The following PTPRD variants were observed in gnomAD, a reference collection of about 807,000 sequenced individuals.
PTPRD encodes the protein protein tyrosine phosphatase receptor type D.
In PTPRD, 34 loss-of-function variants were observed where a neutral mutation model predicts 214.5. The ratio of observed to expected loss-of-function variants is 0.16; its 90% CI spans 0.12 to 0.21. The LOEUF (loss-of-function observed/expected upper bound fraction) is 0.21. PTPRD is among the 10% of genes least tolerant of loss of function. The pLI is 1.00. For missense variants in PTPRD, 2,545 were observed against 2,398.7 expected (o/e 1.06, Z -1.27); for synonymous variants, 1,128 against 845.7 (o/e 1.33, Z -5.79).
chr9:9,251,996 T>C (rs2099975657), intron 9 of PTPRD, among the ~76,000 whole-genome samples: 1 of 152,062 alleles, frequency 6.6e-6, no homozygotes, highest in Non-Finnish European at 1.5e-5. Context: ...CTATATACAA[T>C]GCTTGCTATC....
At chr9:8,707,556 C>G (rs1027406167) in intron 12 of PTPRD, among the ~76,000 whole-genome samples, 1 of 152,182 alleles carries the variant, frequency 6.6e-6, no homozygotes, top group African/African-American at 2.4e-5. Context: ...CATATATTTC[C>G]TAAGAAAGAA....
chr9:9,954,297 C>CAAAAAAAAAAAAA (rs781628679), intron 4 of PTPRD, among the ~76,000 whole-genome samples: 5 of 53,770 alleles, frequency 9.3e-5, no homozygotes, highest in Non-Finnish European at 1.3e-4. Flanking sequence ...TGTCTCAAAA[C>CAAAAAAAAAAAAA]AAAAAAAAAA....
At chr9:9,560,953 T>C (rs2082771166) in intron 8 of PTPRD, among the ~76,000 whole-genome samples, 1 of 152,080 alleles carries the variant, frequency 6.6e-6, no homozygotes, top group Non-Finnish European at 1.5e-5. Context: ...GGCTCCCTCC[T>C]GTCTATCTGC....
intron 10 of PTPRD, among the ~76,000 whole-genome samples, chr9:9,104,770 C>T (rs887014804): frequency 6.6e-6 from 1 of 152,138 alleles, no homozygotes; most frequent in Non-Finnish European, 1.5e-5. Flanking sequence ...TTTCTTTGTT[C>T]ATTCTATCGC....
At chr9:8,848,386 A>G (rs1348829275) in intron 11 of PTPRD, among the ~76,000 whole-genome samples, 1 of 148,014 alleles carries the variant, frequency 6.8e-6, no homozygotes, top group Non-Finnish European at 1.5e-5. Context: ...TACAGACTAG[A>G]ATGCAGTGGC....
chr9:8,578,010 T>C (rs1034285113), intron 14 of PTPRD, among the ~76,000 whole-genome samples: 1 of 152,182 alleles, frequency 6.6e-6, no homozygotes, highest in Non-Finnish European at 1.5e-5. Flanking sequence ...GAATATGCAA[T>C]ACACATTTGT....
chr9:8,891,136 A>ATTTTTTTT (rs1207629722), intron 11 of PTPRD, among the ~76,000 whole-genome samples: 1 of 89,478 alleles, frequency 1.1e-5, no homozygotes, highest in African/African-American at 4.3e-5. Flanking sequence ...GAATTAATCT[A>ATTTTTTTT]ATTTTTTTTT....
At chr9:8,337,794 A>C (rs1007028757) in intron 43 of PTPRD, among the ~76,000 whole-genome samples, 27 of 151,986 alleles carry the variant, frequency 1.8e-4, no homozygotes, top group African/African-American at 4.6e-4. Flanking sequence ...CTTTATCACC[A>C]GGAATAGTTG....
At chr9:9,053,564 C>G (rs912442066) in intron 10 of PTPRD, among the ~76,000 whole-genome samples, 1 of 152,064 alleles carries the variant, frequency 6.6e-6, no homozygotes, top group African/African-American at 2.4e-5. Context: ...TACCATAGAG[C>G]CTTCAGAGAG....
intron 10 of PTPRD, among the ~76,000 whole-genome samples, chr9:9,140,753 T>A (rs914429171): frequency 6.6e-6 from 1 of 152,132 alleles, no homozygotes; most frequent in African/African-American, 2.4e-5. Context: ...TAATTTTTTG[T>A]GTTTTTAGTA....
intron 11 of PTPRD, among the ~76,000 whole-genome samples, chr9:8,991,601 C>T (rs2099367125): frequency 6.6e-6 from 1 of 152,022 alleles, no homozygotes; most frequent in East Asian, 1.9e-4. Flanking sequence ...TAAATAGAGG[C>T]TTAGATTTGC....
intron 11 of PTPRD, among the ~76,000 whole-genome samples, chr9:8,751,509 A>G (rs186363399): frequency 6.6e-6 from 1 of 152,334 alleles, no homozygotes; most frequent in Non-Finnish European, 1.5e-5. Context: ...TAGCAGTGAT[A>G]CTAATACCCA....
At position 9,819,677 on chromosome 9, in the gene PTPRD, C is replaced by T. The variant is rs1354024203; in HGVS notation, c.-367-52826G>A. Among the ~76,000 whole-genome samples, 6 of 152,098 alleles carry T rather than the reference C, an allele frequency of 3.9e-5. No homozygotes were observed. The East Asian group carries it at 1.2e-3, about 29-fold the overall frequency. ...TTGTCCCCCTCCCTCTTTCCCTCTT[C>T]TAGTAGTCCCCAGATTCTATTGTTG... On this transcript the variant is annotated intron_variant, in intron 5 of 45. Transcript: ENST00000381196.
intron 9 of PTPRD, among the ~76,000 whole-genome samples, chr9:9,200,307 C>T (rs2099941119): frequency 6.6e-6 from 1 of 152,160 alleles, no homozygotes; most frequent in Admixed American, 6.6e-5. Context: ...AAACACATTC[C>T]TTTCATTTAA....
chr9:9,843,034 T>C (rs2058700887), intron 5 of PTPRD, among the ~76,000 whole-genome samples: 1 of 152,120 alleles, frequency 6.6e-6, no homozygotes, highest in African/African-American at 2.4e-5. Context: ...CATCTAACAC[T>C]TGTGTTCATA....
intron 5 of PTPRD, among the ~76,000 whole-genome samples, chr9:9,805,718 T>C (rs1488294439): frequency 2.0e-5 from 3 of 152,180 alleles, no homozygotes; most frequent in Non-Finnish European, 2.9e-5. Flanking sequence ...TTGGTTGAAA[T>C]GGTACCTAAT....
chr9:9,206,928 A>G (rs1465490028), intron 9 of PTPRD, among the ~76,000 whole-genome samples: 1 of 152,188 alleles, frequency 6.6e-6, no homozygotes, highest in Non-Finnish European at 1.5e-5. Flanking sequence ...TTTCATATAT[A>G]CATCTATCCT....
intron 3 of PTPRD, among the ~76,000 whole-genome samples, chr9:10,195,612 G>A (rs999487566): frequency 9.9e-5 from 15 of 152,066 alleles, no homozygotes; most frequent in Admixed American, 8.5e-4. Context: ...TTAGTATAAG[G>A]TATAATTTAT....
chr9:10,403,194 C>A, intron 2 of PTPRD, among the ~76,000 whole-genome samples: 1 of 85,126 alleles, frequency 1.2e-5, no homozygotes, highest in Non-Finnish European at 2.5e-5. Context: ...TTTCCATTTG[C>A]TTTTGTTTTT....
Sources: gnomAD v4.1 joint callset for allele counts (sites outside exome capture counted in the v4.1 genomes callset) on GRCh38, gnomAD v4.1.1 for gene constraint, MANE v1.5 for transcripts, NCBI Gene and HGNC (gene_info 2026-07-23, HGNC 2026-07-21) for gene names.